The following PSG8 variants were observed in gnomAD, a reference collection of about 807,000 sequenced individuals.
PSG8 encodes pregnancy-specific beta-1-glycoprotein 8.
A neutral mutation model predicts 42.5 loss-of-function variants in PSG8; 57 were observed. The ratio of observed to expected loss-of-function variants is 1.34; its 90% CI spans 1.08 to 1.67. PSG8 has a LOEUF of 1.67. Ranked by LOEUF, PSG8 falls within the 40% of genes most tolerant of loss-of-function variation. The probability of loss-of-function intolerance (pLI) is 0.00; values close to 1 mark genes in which losing one functional copy is unlikely to be tolerated. For synonymous variants in PSG8, 280 were observed against 196.8 expected (o/e 1.42, Z -3.54); for missense variants, 783 against 518.6 (o/e 1.51, Z -4.95).
At position 42,754,531 on chromosome 19, in the gene PSG8, C is replaced by T. The variant is rs1064489; in HGVS notation, c.1045G>A (p.Val349Ile). Reference sequence around the variant, plus strand: ...TCCGCAGAACAGGACAAGTAGAGGACTTCTCCTGAACGGTAATAGGTGAAT... The same window carrying T: ...TCCGCAGAACAGGACAAGTAGAGGATTTCTCCTGAACGGTAATAGGTGAAT... The part of the protein sequence containing the change: ...PSFTYYRSGE[V>I]LYLSCSADSN... Residue 349 changes from valine to isoleucine, a missense_variant, in exon 5 of 5, where the codon GTC becomes ATC. Physicochemically the swap from Val to Ile is conservative, Grantham distance 29 (BLOSUM62 3). Coordinates refer to ENST00000306511, the MANE Select transcript of PSG8 (RefSeq NM_182707.3). The T allele has an allele frequency of 5.0e-6, 8 of 1,613,748 alleles. No homozygotes were observed. The East Asian group carries it at 8.9e-5, about 18-fold the overall frequency.
In PSG8 at chr19:42,754,349, C is replaced by T. The variant is rs144735943; in HGVS notation, c.1227G>A (p.Met409Ile). ...TCCGCTTACCAGAGACTTTTACTGT[C>T]ATGGATTTGGAGCTTTCCTTGCCAG... ...SATGKESSKS[M>I]TVKVSGKRIP... The change falls in exon 5 of 5, where the codon ATG becomes ATA. Residue 409 changes from methionine (M) to isoleucine (I), a missense_variant. Met to Ile is a conservative substitution (Grantham distance 10). Coordinates refer to ENST00000306511, the MANE Select transcript of PSG8 (RefSeq NM_182707.3). The T allele has an allele frequency of 1.2e-6, 2 of 1,613,784 alleles. No homozygotes were observed. The highest frequency in any genetic ancestry group is 1.7e-5 in the Admixed American group (1 of 60,000).
At chr19:42,761,568 GC>G (rs1337841947) in intron 2 of PSG8, among the ~76,000 whole-genome samples, 1 of 152,104 alleles carries the variant, frequency 6.6e-6, no homozygotes, top group Non-Finnish European at 1.5e-5. Flanking sequence ...TAATGGCTCA[GC>G]CAGTCATGTG....
At chr19:42,759,432 T>C (rs1292454147) in intron 2 of PSG8, among the ~76,000 whole-genome samples, 1 of 152,200 alleles carries the variant, frequency 6.6e-6, no homozygotes, top group South Asian at 2.1e-4. Flanking sequence ...ACAGATAAAG[T>C]GCTCCTTATG....
At position 42,754,300 on chromosome 19, in the gene PSG8, T is replaced by A. The variant is rs777712208; in HGVS notation, c.1276A>T (p.Ile426Phe). 3.1e-6 allele frequency: 5 copies of A among 1,613,286 alleles called. No individual in the cohort carries two copies. The East Asian group carries it at 8.9e-5, about 29-fold the overall frequency. The change falls in exon 5 of 5, where the codon ATT becomes TTT. Residue 426 changes from isoleucine to phenylalanine, a missense_variant. Coordinates refer to ENST00000306511, the MANE Select transcript of PSG8 (RefSeq NM_182707.3). Reference sequence around the variant, plus strand: ...GAAGGCCAGATAGACTCCACCTAAATCCCTATTGCCAAGGATACTGGGATC... The same window carrying A: ...GAAGGCCAGATAGACTCCACCTAAAACCCTATTGCCAAGGATACTGGGATC... ...KRIPVSLAIG[I>F]
chr19:42,765,653 T>A lies in PSG8; in HGVS notation c.-72A>T. 1 of 1,571,652 alleles carries A rather than the reference T, an allele frequency of 6.4e-7. No individual in the cohort carries two copies. The highest frequency in any genetic ancestry group is 8.7e-7 in the Non-Finnish European group (1 of 1,149,988). ...TCCAGAAGCTTCCTGAGCACAGCTC[T>A]CAGCAGTGCTGTCCTGCCTCCTTCT... On this transcript the variant is annotated 5_prime_UTR_variant, in exon 1 of 5. Coordinates refer to ENST00000306511, the MANE Select transcript of PSG8 (RefSeq NM_182707.3).
intron 2 of PSG8, among the ~76,000 whole-genome samples, chr19:42,760,584 C>G (rs1156827034): frequency 6.6e-6 from 1 of 151,938 alleles, no homozygotes; most frequent in Admixed American, 6.6e-5. Flanking sequence ...ATTTCTCTAA[C>G]AGCATTTTTT....
chr19:42,755,205 G>T lies in PSG8; in HGVS notation c.771C>A (p.Val257=). The T allele has an allele frequency of 1.2e-6, 2 of 1,611,992 alleles. No individual in the cohort carries two copies. Among genetic ancestry groups the T allele is most frequent in the South Asian group, 1.1e-5 (1 of 90,986 alleles). The change falls in exon 4 of 5, where the codon GTC becomes GTA. Residue 257 remains valine (V), a synonymous_variant. Transcript: ENST00000306511. The part of the protein sequence containing the change: ...NNLKPRENKD[V]LNFTCEPKSE... ...TCTTAGGTTCACAGGTGAAGTTTAA[G>T]ACATCCTTATTCTCCCTGGGTTTTA...
chr19:42,754,325 C>T lies in PSG8; in HGVS notation c.1251G>A (p.Arg417=), dbSNP rs777084278. The part of the protein sequence containing the change: ...KSMTVKVSGK[R]IPVSLAIGI ...TCCCTATTGCCAAGGATACTGGGATCCGCTTACCAGAGACTTTTACTGTCA... is the reference window on the plus strand; with the variant it reads ...TCCCTATTGCCAAGGATACTGGGATTCGCTTACCAGAGACTTTTACTGTCA... The change falls in exon 5 of 5, where the codon CGG becomes CGA. Residue 417 remains arginine, a synonymous_variant. Transcript: ENST00000306511. 8.1e-6 allele frequency: 13 copies of T among 1,613,782 alleles called. No homozygotes were observed. Among genetic ancestry groups the T allele is most frequent in the Non-Finnish European group, 1.1e-5 (13 of 1,179,796 alleles).
intron 1 of PSG8, 150 bp downstream of exon 1, chr19:42,765,368 G>C (rs1482475604): frequency 2.3e-6 from 3 of 1,299,976 alleles, no homozygotes; most frequent in Non-Finnish European, 3.2e-6. Flanking sequence ...TGGCCAGACT[G>C]ATCTTGAACT....
In PSG8 at chr19:42,764,605, C is replaced by T. The variant is rs1177745779; in HGVS notation, c.65-324G>A. 8.5e-5 allele frequency among the ~76,000 whole-genome samples: 13 copies of T among 152,068 alleles called. No individual in the cohort carries two copies. The South Asian group carries it at 1.7e-3, about 19-fold the overall frequency. On this transcript the variant is annotated intron_variant, in intron 1 of 4. Coordinates refer to ENST00000306511, the MANE Select transcript of PSG8 (RefSeq NM_182707.3). ...CTCCACACTGCCCTCAGGTCCTGCTCACATCAGGGCATCCTTAGATTTCTT... is the reference window on the plus strand; with the variant it reads ...CTCCACACTGCCCTCAGGTCCTGCTTACATCAGGGCATCCTTAGATTTCTT...
intron 2 of PSG8, 96 bp from the exon 3 acceptor site, chr19:42,758,376 C>T: frequency 1.3e-6 from 2 of 1,540,284 alleles, no homozygotes; most frequent in Non-Finnish European, 1.7e-6. Flanking sequence ...ACCTCTCAGC[C>T]CACCCAAGTC....
chr19:42,761,107 G>T (rs1438882387), intron 2 of PSG8, among the ~76,000 whole-genome samples: 3 of 152,126 alleles, frequency 2.0e-5, no homozygotes, highest in Non-Finnish European at 2.9e-5. Flanking sequence ...TGACACCCTG[G>T]TGAGTCCGTG....
intron 1 of PSG8, 43 bp from the exon 2 acceptor site, chr19:42,764,324 A>G (rs1970160202): frequency 6.3e-7 from 1 of 1,579,386 alleles, no homozygotes; most frequent in Non-Finnish European, 8.6e-7. Flanking sequence ...AGAGCTATGT[A>G]TTGGTGTGAA....
rs1466168036 is a variant in PSG8 at position 42,754,600 on chromosome 19, G to T, written c.989-13C>A. 6.2e-7 allele frequency: 1 copy of T among 1,607,092 alleles called. No individual in the cohort carries two copies. The highest frequency in any genetic ancestry group is 1.3e-5 in the African/African-American group (1 of 74,596). ...AGGTCTGGACCATCTGGAGCAAAGA[G>T]AATAAAGCCACAGGTGATGTCATCT... On this transcript the variant is annotated splice_polypyrimidine_tract_variant and intron_variant, in intron 4 of 4. Coordinates refer to ENST00000306511, the MANE Select transcript of PSG8 (RefSeq NM_182707.3).
At chr19:42,759,274 G>T (rs934341240) in intron 2 of PSG8, among the ~76,000 whole-genome samples, 1 of 152,104 alleles carries the variant, frequency 6.6e-6, no homozygotes, top group Non-Finnish European at 1.5e-5. Flanking sequence ...GATATCAGTG[G>T]ATTCCAGAGT....
chr19:42,753,180 T>A (rs566626116), downstream of PSG8: 182 of 741,268 alleles, frequency 2.5e-4, 3 homozygotes, highest in East Asian at 4.5e-3. Context: ...TTTGAGCATC[T>A]GTTGTTATGG....
At chr19:42,756,453 T>C (rs1404463640) in intron 3 of PSG8, among the ~76,000 whole-genome samples, 1 of 152,082 alleles carries the variant, frequency 6.6e-6, no homozygotes, top group African/African-American at 2.4e-5. Context: ...GGACAAAAAG[T>C]GTTTTGGATT....
At position 42,755,036 on chromosome 19, in the gene PSG8, C is replaced by A. The variant is rs1451596557; in HGVS notation, c.940G>T (p.Asp314Tyr). 10 of 1,613,098 alleles carry A rather than the reference C, an allele frequency of 6.2e-6. No homozygotes were observed. The South Asian group carries it at 1.1e-4, about 18-fold the overall frequency. Reference protein sequence around the residue: ...ETGPYQCEIRDQYGGIRSYPV... With the variant: ...ETGPYQCEIRYQYGGIRSYPV... The stretch of plus-strand genomic sequence containing the variant: ...TAACTGCGGATGCCACCATATTGGT[C>A]CCTTATTTCACATTGATAGGGTCCT... The change falls in exon 4 of 5, where the codon GAC becomes TAC. Residue 314 changes from aspartate to tyrosine, a missense_variant. Coordinates refer to ENST00000306511, the MANE Select transcript of PSG8 (RefSeq NM_182707.3).
Position 42,755,018 on chromosome 19 carries a change from G to C in PSG8, c.958C>G (p.Arg320Gly), listed in dbSNP as rs200167716. The C allele has an allele frequency of 1.2e-6, 2 of 1,613,270 alleles. No individual in the cohort carries two copies. The highest frequency in any genetic ancestry group is 1.3e-5 in the African/African-American group (1 of 74,858). Residue 320 changes from arginine (R) to glycine (G), a missense_variant, in exon 4 of 5, where the codon CGC becomes GGC. By Grantham distance (125) the Arg-to-Gly change is moderately radical. Coordinates refer to ENST00000306511, the MANE Select transcript of PSG8 (RefSeq NM_182707.3). ...CEIRDQYGGI[R>G]SYPVTLNVLY... is the part of the protein sequence containing the mutation. ...ACATTCAGGGTGACTGGGTAACTGC[G>C]GATGCCACCATATTGGTCCCTTATT...
Sources: gnomAD v4.1 joint callset for allele counts (sites outside exome capture counted in the v4.1 genomes callset) on GRCh38, gnomAD v4.1.1 for gene constraint, MANE v1.5 for transcripts, NCBI Gene and HGNC (gene_info 2026-07-23, HGNC 2026-07-21) for gene names.